NLK: variants seen among roughly 807,000 people sequenced by gnomAD.
NLK encodes the protein serine/threonine-protein kinase NLK.
In NLK, 11 loss-of-function variants were observed where a neutral mutation model predicts 59.0. The ratio of observed to expected loss-of-function variants is 0.19; its 90% CI spans 0.12 to 0.31. The LOEUF (loss-of-function observed/expected upper bound fraction) is 0.31, where lower values mean the gene tolerates loss of function less well. NLK is among the 10% of genes least tolerant of loss of function. The pLI is 1.00. For missense variants in NLK, 410 were observed against 661.1 expected, an observed-to-expected ratio of 0.62 and a Z score of 4.16; for synonymous variants, 235 against 235.9, an observed-to-expected ratio of 1.00 and a Z score of 0.03.
At chr17:28,204,387 C>T in the NLK span, among the ~76,000 whole-genome samples, 4 of 152,132 alleles carry the variant, frequency 2.6e-5, no homozygotes, top group Non-Finnish European at 5.9e-5. Context: ...TGGAAGAGTG[C>T]GTAGTGTTTA....
intron 1 of NLK, among the ~76,000 whole-genome samples, chr17:28,049,508 CTGT>C (rs1218986649): frequency 1.3e-5 from 2 of 152,110 alleles, no homozygotes; most frequent in African/African-American, 4.8e-5. Context: ...GCTGCTGCTG[CTGT>C]TGTCTGTATT....
chr17:28,069,246 C>A (rs1447440821), intron 1 of NLK, among the ~76,000 whole-genome samples: 1 of 152,202 alleles, frequency 6.6e-6, no homozygotes, highest in Non-Finnish European at 1.5e-5. Flanking sequence ...GTTGCTTGCA[C>A]ATATCAGTGT....
intron 1 of NLK, chr17:28,116,143 A>G (rs1284480409): frequency 1.3e-5 from 2 of 152,176 alleles, no homozygotes; most frequent in Non-Finnish European, 2.9e-5. Flanking sequence ...TTCCTCATTT[A>G]TATTTTTAAA....
chr17:28,072,327 C>CTT (rs56146394), intron 1 of NLK, among the ~76,000 whole-genome samples: 17 of 132,744 alleles, frequency 1.3e-4, no homozygotes, highest in South Asian at 2.4e-4. Flanking sequence ...TCTTCTTTTT[C>CTT]TTTTTTTTTT....
intron 7 of NLK, among the ~76,000 whole-genome samples, chr17:28,177,312 G>A (rs959194226): frequency 6.6e-6 from 1 of 152,184 alleles, no homozygotes; most frequent in African/African-American, 2.4e-5. Flanking sequence ...CTATTTGACT[G>A]TCATCTTAAA....
At chr17:28,108,438 A>G (rs566482723) in intron 1 of NLK, among the ~76,000 whole-genome samples, 2 of 152,326 alleles carry the variant, frequency 1.3e-5, no homozygotes, top group African/African-American at 4.8e-5. Flanking sequence ...ATATGCAAGG[A>G]GGAAATTAAA....
At chr17:28,141,710 C>T (rs542355631) in intron 3 of NLK, among the ~76,000 whole-genome samples, 15 of 152,170 alleles carry the variant, frequency 9.9e-5, no homozygotes, top group African/African-American at 3.6e-4. Context: ...GTAAGAAGGA[C>T]GATGAAGTTT....
At chr17:28,115,486 T>C (rs1374307958) in intron 1 of NLK, among the ~76,000 whole-genome samples, 1 of 152,198 alleles carries the variant, frequency 6.6e-6, no homozygotes, top group East Asian at 1.9e-4. Flanking sequence ...TCTTTTTAGA[T>C]TGATTATATT....
chr17:28,203,151 GTATA>G, the NLK span, among the ~76,000 whole-genome samples: 2 of 133,400 alleles, frequency 1.5e-5, no homozygotes, highest in African/African-American at 6.7e-5. Context: ...GTGTATGAAT[GTATA>G]TACATACATA....
rs755955134 is a variant in NLK, at chr17:28,163,607, G to A, written c.816G>A (p.Val272=). 3.7e-6 allele frequency: 6 copies of A among 1,603,258 alleles called. No homozygotes were observed. The highest frequency in any genetic ancestry group is 5.1e-6 in the Non-Finnish European group (6 of 1,171,856). The change falls in exon 5 of 11, where the codon GTG becomes GTA. Residue 272 remains valine, a synonymous_variant. Transcript: ENST00000407008. ...ACATTAAGCCAGGGAATCTCCTTGT[G>A]AACAGCAACTGTGTTCTAAAGGTAG... ...HRDIKPGNLL[V]NSNCVLKICD...
At chr17:28,111,861 CGTGTGTGTGTGTGTGTGT>C (rs144479598) in intron 1 of NLK, among the ~76,000 whole-genome samples, 4 of 74,076 alleles carry the variant, frequency 5.4e-5, no homozygotes, top group African/African-American at 2.1e-4. Flanking sequence ...AGGCTTATAC[CGTGTGTGTGTGTGTGTGT>C]GTGTGTGTGT....
chr17:28,077,208 G>A (rs555243315), intron 1 of NLK, among the ~76,000 whole-genome samples: 8 of 150,250 alleles, frequency 5.3e-5, no homozygotes, highest in African/African-American at 1.7e-4. Context: ...TGATAAAGAC[G>A]TGCTTGAGAC....
chr17:28,054,657 A>T (rs941772419), intron 1 of NLK, among the ~76,000 whole-genome samples: 9 of 152,248 alleles, frequency 5.9e-5, no homozygotes, highest in African/African-American at 1.7e-4. Flanking sequence ...AAGCTAGTAA[A>T]AGTTGGGCCA....
At chr17:28,049,903 G>A (rs1014205423) in intron 1 of NLK, among the ~76,000 whole-genome samples, 4 of 152,074 alleles carry the variant, frequency 2.6e-5, no homozygotes, top group African/African-American at 9.7e-5. Context: ...TCACTTGAAC[G>A]CAGGAGGCAG....
At chr17:28,163,441 A>G in intron 4 of NLK, 102 bp from the exon 5 acceptor site, 1 of 669,326 alleles carries the variant, frequency 1.5e-6, no homozygotes, top group Non-Finnish European at 2.6e-6. Flanking sequence ...TATTTAGGGA[A>G]CAATTTTAAA....
chr17:28,122,564 T>G lies in NLK; in HGVS notation c.459-39T>G, dbSNP rs754657054. 1.7e-5 allele frequency: 27 copies of G among 1,609,914 alleles called. No individual in the cohort carries two copies. The African/African-American group carries it at 3.6e-4, about 22-fold the overall frequency. On this transcript the variant is annotated intron_variant, in intron 1 of 10. Transcript: ENST00000407008. ...AAACAAGGTGTGGAACTGATTTCTCTGTCTTTTTTTTCCCCTTCCCCAAAT... is the reference window on the plus strand; with the variant it reads ...AAACAAGGTGTGGAACTGATTTCTCGGTCTTTTTTTTCCCCTTCCCCAAAT...
chr17:28,192,468 A>C (rs1051206774), intron 10 of NLK, among the ~76,000 whole-genome samples: 1 of 152,178 alleles, frequency 6.6e-6, no homozygotes, highest in Non-Finnish European at 1.5e-5. Flanking sequence ...CTGGAGTTCA[A>C]GACCAGCCTG....
chr17:28,051,611 C>A (rs1909259838), intron 1 of NLK, among the ~76,000 whole-genome samples: 1 of 151,532 alleles, frequency 6.6e-6, no homozygotes, highest in Admixed American at 6.6e-5. Context: ...CCTGCCTCGG[C>A]CTCCCAAAGT....
At chr17:28,074,249 C>T (rs1375253210) in intron 1 of NLK, among the ~76,000 whole-genome samples, 3 of 152,074 alleles carry the variant, frequency 2.0e-5, no homozygotes, top group African/African-American at 2.4e-5. Context: ...TATACACTTG[C>T]GGGATGATCT....
Sources: gnomAD v4.1 joint callset for allele counts (sites outside exome capture counted in the v4.1 genomes callset) on GRCh38, gnomAD v4.1.1 for gene constraint, MANE v1.5 for transcripts, NCBI Gene and HGNC (gene_info 2026-07-23, HGNC 2026-07-21) for gene names.